ABLIM1: variants seen among roughly 807,000 people sequenced by gnomAD.
ABLIM1 encodes actin binding LIM protein 1.
Under a neutral mutation model 107.0 loss-of-function variants are expected in ABLIM1, and 40 were observed. The ratio of observed to expected loss-of-function variants is 0.37; its 90% CI spans 0.29 to 0.49. ABLIM1 has a LOEUF of 0.49. ABLIM1 is among the 20% of genes least tolerant of loss of function. The pLI is 0.97. For synonymous variants in ABLIM1, 357 were observed against 357.3 expected (o/e 1.00, Z 0.01); for missense variants, 857 against 1,008.5 (o/e 0.85, Z 2.04).
At chr10:114,546,083 C>A (rs1051792047) in intron 5 of ABLIM1, among the ~76,000 whole-genome samples, 7 of 152,052 alleles carry the variant, frequency 4.6e-5, no homozygotes, top group African/African-American at 1.7e-4. Context: ...CCTCCGGAGC[C>A]CAGGGCCGCC....
intron 1 of ABLIM1, among the ~76,000 whole-genome samples, chr10:114,699,762 A>G (rs934496344): frequency 2.6e-5 from 4 of 152,242 alleles, no homozygotes; most frequent in African/African-American, 9.6e-5. Context: ...TTATAGTATT[A>G]CCATCCAGAA....
upstream of ABLIM1, among the ~76,000 whole-genome samples, chr10:114,660,068 A>C (rs1289131772): frequency 6.6e-6 from 1 of 152,244 alleles, no homozygotes; most frequent in Non-Finnish European, 1.5e-5. Flanking sequence ...AGAGGCACTC[A>C]GACTGAGGTG....
At chr10:114,445,494 G>T in intron 15 of ABLIM1, 91 bp from the exon 16 acceptor site, 1 of 1,127,546 alleles carries the variant, frequency 8.9e-7, no homozygotes, top group Non-Finnish European at 1.3e-6. Context: ...TTGTTAGGCT[G>T]GCAAGGTCAG....
At chr10:114,466,050 A>G (rs1268458209) in intron 11 of ABLIM1, among the ~76,000 whole-genome samples, 2 of 152,204 alleles carry the variant, frequency 1.3e-5, no homozygotes, top group African/African-American at 2.4e-5. Flanking sequence ...TTATTACAAA[A>G]TTTTAAGAGC....
At position 114,468,227 on chromosome 10, in the gene ABLIM1, A is replaced by C. The variant is rs767477792; in HGVS notation, c.1276-11T>G. Reference sequence around the variant, plus strand: ...CAAAGTCCTCGGAGACTAGAAAAATAAAAGAGAATTTAAAGTCACAATGTT... The same window carrying C: ...CAAAGTCCTCGGAGACTAGAAAAATCAAAGAGAATTTAAAGTCACAATGTT... On this transcript the variant is annotated splice_polypyrimidine_tract_variant and intron_variant, in intron 10 of 22. Coordinates refer to ENST00000533213, the MANE Select transcript of ABLIM1 (RefSeq NM_002313.7). 3 of 1,611,820 alleles carry C rather than the reference A, an allele frequency of 1.9e-6. No individual in the cohort carries two copies. Among genetic ancestry groups the C allele is most frequent in the Non-Finnish European group, 2.5e-6 (3 of 1,177,866 alleles).
intron 12 of ABLIM1, among the ~76,000 whole-genome samples, chr10:114,463,763 AG>A (rs1197226534): frequency 6.6e-6 from 1 of 152,130 alleles, no homozygotes; most frequent in Non-Finnish European, 1.5e-5. Flanking sequence ...ACCCAGACCG[AG>A]GGGGTTTTAA....
At chr10:114,439,029 A>G (rs1565203337) in intron 21 of ABLIM1, 147 bp downstream of exon 21, 20 of 903,616 alleles carry the variant, frequency 2.2e-5, no homozygotes, top group Middle Eastern at 4.3e-4. Flanking sequence ...TGGGCAAAAC[A>G]GCAGAATGGC....
chr10:114,467,035 T>C lies in ABLIM1; in HGVS notation c.1311+1146A>G, dbSNP rs188907890. ...TTAGCTGAGCATGGTGGTGTGCACCTGTAATCCCAGCTACTTGGGAGGCTG... is the reference window on the plus strand; with the variant it reads ...TTAGCTGAGCATGGTGGTGTGCACCCGTAATCCCAGCTACTTGGGAGGCTG... On this transcript the variant is annotated intron_variant, in intron 11 of 22. Coordinates refer to ENST00000533213, the MANE Select transcript of ABLIM1 (RefSeq NM_002313.7). 2.0e-3 allele frequency among the ~76,000 whole-genome samples: 298 copies of C among 152,214 alleles called. 1 individual carries two copies. The highest frequency in any genetic ancestry group is 7.1e-3 in the Admixed American group (109 of 15,288).
intron 6 of ABLIM1, among the ~76,000 whole-genome samples, chr10:114,541,483 A>C (rs1451162132): frequency 6.6e-6 from 1 of 151,980 alleles, no homozygotes; most frequent in Non-Finnish European, 1.5e-5. Context: ...TGAGAGGCCG[A>C]GGGAGGAGTG....
chr10:114,659,285 G>T (rs1021558702), upstream of ABLIM1, among the ~76,000 whole-genome samples: 2 of 151,622 alleles, frequency 1.3e-5, no homozygotes, highest in African/African-American at 4.9e-5. Flanking sequence ...GAGGTGGGAG[G>T]ATTGCTTGAG....
chr10:114,615,815 G>GAAA (rs535466258), intron 1 of ABLIM1, among the ~76,000 whole-genome samples: 1 of 128,034 alleles, frequency 7.8e-6, no homozygotes, highest in Non-Finnish European at 1.7e-5. Flanking sequence ...CTCTGACTCA[G>GAAA]AAAAAAAAAA....
chr10:114,503,400 G>A (rs370179341), intron 6 of ABLIM1, among the ~76,000 whole-genome samples: 1 of 152,000 alleles, frequency 6.6e-6, no homozygotes, highest in Non-Finnish European at 1.5e-5. Context: ...GCAGTGAGCC[G>A]TGATCATGCC....
At position 114,517,057 on chromosome 10, in the gene ABLIM1, C is replaced by T. The variant is rs536741658; in HGVS notation, c.895-25179G>A. On this transcript the variant is annotated intron_variant, in intron 6 of 22. Coordinates refer to ENST00000533213, the MANE Select transcript of ABLIM1 (RefSeq NM_002313.7). ...GCTGTTGATTACGACAAGAACAAGG[C>T]TTTTGCCCCTTTCCTCACCTCCAGG... Among the ~76,000 whole-genome samples, 3 of 152,220 alleles carry T rather than the reference C, an allele frequency of 2.0e-5. No homozygotes were observed. The East Asian group carries it at 5.8e-4, about 29-fold the overall frequency.
At chr10:114,800,133 G>A in the ABLIM1 span, among the ~76,000 whole-genome samples, 1 of 152,100 alleles carries the variant, frequency 6.6e-6, no homozygotes, top group East Asian at 1.9e-4. Flanking sequence ...ACCCTCAAAT[G>A]GCTTCTAGTT....
At chr10:114,444,492 A>G (rs557526760) in intron 16 of ABLIM1, among the ~76,000 whole-genome samples, 1 of 152,358 alleles carries the variant, frequency 6.6e-6, no homozygotes, top group South Asian at 2.1e-4. Flanking sequence ...CTTTAAAAAG[A>G]AATTGCCTTG....
chr10:114,597,906 C>T (rs541270563), intron 2 of ABLIM1, among the ~76,000 whole-genome samples: 2 of 152,262 alleles, frequency 1.3e-5, no homozygotes, highest in South Asian at 2.1e-4. Context: ...ATGCACACCT[C>T]GAGGAATCTT....
At chr10:114,559,934 G>A (rs115148996) in intron 4 of ABLIM1, among the ~76,000 whole-genome samples, 2,808 of 152,246 alleles carry the variant, frequency 0.018, 81 homozygotes, top group African/African-American at 0.064. Flanking sequence ...AAGAGTGGGA[G>A]AGAAAGCAAA....
At chr10:114,719,570 A>T (rs944303719) in intron 1 of ABLIM1, among the ~76,000 whole-genome samples, 1 of 152,212 alleles carries the variant, frequency 6.6e-6, no homozygotes, top group Non-Finnish European at 1.5e-5. Context: ...TCAGGCATAC[A>T]CTATACAGTT....
intron 11 of ABLIM1, among the ~76,000 whole-genome samples, chr10:114,467,123 C>T (rs934908680): frequency 6.6e-6 from 1 of 152,114 alleles, no homozygotes; most frequent in Non-Finnish European, 1.5e-5. Flanking sequence ...TGTGCCACTA[C>T]ACCCCAGCCT....
Sources: gnomAD v4.1 joint callset for allele counts (sites outside exome capture counted in the v4.1 genomes callset) on GRCh38, gnomAD v4.1.1 for gene constraint, MANE v1.5 for transcripts, NCBI Gene and HGNC (gene_info 2026-07-23, HGNC 2026-07-21) for gene names.